Variants in KCNQ1 observed in about 807,000 individuals in gnomAD.
KCNQ1 encodes potassium voltage-gated channel subfamily KQT member 1.
KCNQ1 carries 49 observed loss-of-function variants against 72.4 expected under a neutral mutation model. The ratio of observed to expected loss-of-function variants is 0.68; its 90% CI spans 0.54 to 0.86. KCNQ1 has a LOEUF of 0.86. KCNQ1 is among the 40% of genes least tolerant of loss of function. The pLI, the probability that KCNQ1 is intolerant of heterozygous loss-of-function variation, is 0.00. For synonymous variants in KCNQ1, 450 were observed against 412.6 expected (o/e 1.09, Z -1.10); for missense variants, 790 against 945.1 (o/e 0.84, Z 2.15).
chr11:2,532,190 C>T (rs79918073), intron 2 of KCNQ1, among the ~76,000 whole-genome samples: 1,826 of 152,330 alleles, frequency 0.012, 10 homozygotes, highest in Non-Finnish European at 0.019. Flanking sequence ...TCACAAGCAT[C>T]TGTCTGCCTC....
intron 7 of KCNQ1, among the ~76,000 whole-genome samples, chr11:2,584,017 A>G (rs1009085115): frequency 6.6e-6 from 1 of 151,126 alleles, no homozygotes; most frequent in Non-Finnish European, 1.5e-5. Context: ...GCGTATGTGC[A>G]TAATATGTGT....
chr11:2,743,212 C>T (rs1846085274), intron 11 of KCNQ1, among the ~76,000 whole-genome samples: 2 of 152,128 alleles, frequency 1.3e-5, no homozygotes, highest in Admixed American at 1.3e-4. Flanking sequence ...GCCCACCGCC[C>T]ACCTAGACTC....
At chr11:2,742,004 C>G (rs973818285) in intron 11 of KCNQ1, among the ~76,000 whole-genome samples, 1 of 152,248 alleles carries the variant, frequency 6.6e-6, no homozygotes, top group African/African-American at 2.4e-5. Flanking sequence ...ACTCTTGGCT[C>G]TCATGTATAT....
At chr11:2,571,218 C>T (rs1225686486) in intron 3 of KCNQ1, 107 bp from the exon 4 acceptor site, 5 of 920,622 alleles carry the variant, frequency 5.4e-6, no homozygotes, top group East Asian at 2.5e-5. Flanking sequence ...GGGCGTGACC[C>T]GTCTGACCAG....
chr11:2,615,901 C>A (rs1443986750), intron 10 of KCNQ1: 9 of 397,972 alleles, frequency 2.3e-5, no homozygotes, highest in Non-Finnish European at 3.5e-5. Flanking sequence ...AAAGTTTTTT[C>A]TCCTCTGTTT....
chr11:2,732,696 G>A (rs1229609268), intron 11 of KCNQ1, among the ~76,000 whole-genome samples: 3 of 152,224 alleles, frequency 2.0e-5, no homozygotes, highest in Admixed American at 2.0e-4. Flanking sequence ...GGCACAAGCG[G>A]CCTTTTCTTC....
chr11:2,466,585 G>A lies in KCNQ1; in HGVS notation c.386+21101G>A, dbSNP rs116228510. 2.9e-3 allele frequency among the ~76,000 whole-genome samples: 446 copies of A among 152,320 alleles called. 1 individual carries two copies. The highest frequency in any genetic ancestry group is 0.01 in the African/African-American group (423 of 41,578). ...TCTGCCCAGGCTCGGGGGCTTCTGT[G>A]TGGTGCCAGCCTTGCCCGGGGGCAC... On this transcript the variant is annotated intron_variant, in intron 1 of 15. Transcript: ENST00000155840.
intron 10 of KCNQ1, chr11:2,632,300 A>G (rs1849372191): frequency 5.0e-6 from 2 of 398,614 alleles, no homozygotes; most frequent in Non-Finnish European, 8.8e-6. Flanking sequence ...GATTTCTACA[A>G]ATATGATCAT....
At chr11:2,705,427 C>A (rs1255999193) in intron 11 of KCNQ1, among the ~76,000 whole-genome samples, 1 of 152,208 alleles carries the variant, frequency 6.6e-6, no homozygotes, top group Non-Finnish European at 1.5e-5. Flanking sequence ...CGGGTTAACT[C>A]AGCAGCTGTC....
chr11:2,655,702 A>G lies in KCNQ1; in HGVS notation c.1394-6259A>G, dbSNP rs1318677057. On this transcript the variant is annotated intron_variant, in intron 10 of 15. Transcript: ENST00000155840. ...ACCCACCCACCCCCAGCTCCCCTCC[A>G]TGCTCTCCTAGATGCCTGACCTGGC... The G allele has an allele frequency of 6.3e-4, 5 of 7,980 alleles. No homozygotes were observed. The South Asian group carries it at 0.011, about 17-fold the overall frequency. The allele number at this position is 7,980 out of a possible 1,614,324, so 0.5% of individuals were successfully genotyped here.
chr11:2,754,485 G>A (rs189034362), intron 11 of KCNQ1, among the ~76,000 whole-genome samples: 2 of 152,340 alleles, frequency 1.3e-5, no homozygotes, highest in Non-Finnish European at 2.9e-5. Context: ...TGTGGAAGAG[G>A]CTATACTAAC....
rs545394755 is a variant in KCNQ1 at position 2,827,100 on chromosome 11, C to T, written c.1795-20667C>T. ...AGAGCCGGGAGGGGAACAGGCTGGG[C>T]TGCAGAGAGGAGGCCAGGCACAGTC... On this transcript the variant is annotated intron_variant, in intron 15 of 15. Coordinates refer to ENST00000155840, the MANE Select transcript of KCNQ1 (RefSeq NM_000218.3). The surrounding 1 kb of genome is among the most constrained non-coding windows in gnomAD (Gnocchi z 6.7). Among the ~76,000 whole-genome samples the T allele has an allele frequency of 2.0e-5, 3 of 152,150 alleles. No homozygotes were observed. Among genetic ancestry groups the T allele is most frequent in the Non-Finnish European group, 4.4e-5 (3 of 68,016 alleles).
Position 2,678,606 on chromosome 11 carries a change from C to T in KCNQ1, c.1514+16525C>T. ...ACTTATCTGTGTAGCAGGACTCCCC[C>T]TCATCTCCATTACTTAAGAGCCAAT... On this transcript the variant is annotated intron_variant, in intron 11 of 15. Transcript: ENST00000155840. The surrounding 1 kb of genome is among the most constrained non-coding windows in gnomAD (Gnocchi z 4.9). 2.5e-6 allele frequency: 1 copy of T among 398,606 alleles called. No homozygotes were observed. The highest frequency in any genetic ancestry group is 4.4e-6 in the Non-Finnish European group (1 of 226,070). 24.7% of individuals were successfully genotyped at this position (398,606 alleles called of 1,614,324 possible). A position where few individuals can be genotyped will look rare whatever the true frequency, so the allele number is the denominator to read the frequency against.
chr11:2,514,856 G>A (rs1320756393), intron 1 of KCNQ1, among the ~76,000 whole-genome samples: 2 of 152,140 alleles, frequency 1.3e-5, no homozygotes, highest in Non-Finnish European at 2.9e-5. Context: ...TGTGAGGAGG[G>A]ACTTTCCCAA....
intron 15 of KCNQ1, among the ~76,000 whole-genome samples, chr11:2,837,153 T>C (rs1049567047): frequency 6.6e-6 from 1 of 152,084 alleles, no homozygotes; most frequent in Admixed American, 6.5e-5. Context: ...GGGCAGCCTC[T>C]CGAGTGTCCA....
intron 11 of KCNQ1, among the ~76,000 whole-genome samples, chr11:2,751,381 G>A (rs553669406): frequency 5.3e-5 from 8 of 152,334 alleles, no homozygotes; most frequent in African/African-American, 1.2e-4. Flanking sequence ...GTGGGCTCCC[G>A]GAAGGGGGCT....
rs574515047 is a variant in KCNQ1 at position 2,682,953 on chromosome 11, G to T, written c.1514+20872G>T. ...GGTCTGTGTGGAAGAAAGGACAGGA[G>T]TCCTTCTGCCACCCAGACTGTGCAT... On this transcript the variant is annotated intron_variant, in intron 11 of 15. Transcript: ENST00000155840. The surrounding 1 kb of genome is among the most constrained non-coding windows in gnomAD (Gnocchi z 5.8). 7 of 398,586 alleles carry T rather than the reference G, an allele frequency of 1.8e-5. No homozygotes were observed. Among genetic ancestry groups the T allele is most frequent in the Admixed American group, 4.4e-5 (1 of 22,738 alleles). 24.7% of individuals were successfully genotyped at this position (398,586 alleles called of 1,614,324 possible).
intron 11 of KCNQ1, among the ~76,000 whole-genome samples, chr11:2,702,872 C>T (rs531986107): frequency 6.6e-6 from 1 of 152,300 alleles, no homozygotes; most frequent in African/African-American, 2.4e-5. Flanking sequence ...GTCCTCTGCT[C>T]CTCACCCCCT....
rs376667720 is a variant in KCNQ1 at position 2,549,643 on chromosome 11, G to A, written c.478-20985G>A. ...AGGCCCGGGGTAGGGGCGTGGGGGGGCCTCCTCCTCCCAAGCACCTGGGGT... is the reference window on the plus strand; with the variant it reads ...AGGCCCGGGGTAGGGGCGTGGGGGGACCTCCTCCTCCCAAGCACCTGGGGT... On this transcript the variant is annotated intron_variant, in intron 2 of 15. Transcript: ENST00000155840. This position sits in a 1 kb window ranked among gnomAD's most constrained non-coding sequence, Gnocchi z 6.2. 1.3e-5 allele frequency among the ~76,000 whole-genome samples: 2 copies of A among 150,462 alleles called. No individual in the cohort carries two copies. The highest frequency in any genetic ancestry group is 3.0e-5 in the Non-Finnish European group (2 of 67,528).
Sources: gnomAD v4.1 joint callset for allele counts (sites outside exome capture counted in the v4.1 genomes callset) on GRCh38, gnomAD v4.1.1 for gene constraint, Gnocchi (gnomAD v3.1) non-coding constraint, MANE v1.5 for transcripts, NCBI Gene and HGNC (gene_info 2026-07-23, HGNC 2026-07-21) for gene names.